SNCAIP: variants seen among roughly 807,000 people sequenced by gnomAD.
SNCAIP encodes synuclein alpha interacting protein, also known as synphilin-1.
SNCAIP carries 43 observed loss-of-function variants against 86.7 expected under a neutral mutation model. That is an observed-to-expected ratio of 0.50 (90% CI 0.39 to 0.64). SNCAIP has a LOEUF of 0.64. Among genes scored for constraint, SNCAIP ranks in the 30% least tolerant of loss-of-function variants. The pLI, the probability that SNCAIP is intolerant of heterozygous loss-of-function variation, is 0.00. For missense variants in SNCAIP, 981 were observed against 1,103.1 expected, an observed-to-expected ratio of 0.89 and a Z score of 1.57; for synonymous variants, 417 against 427.2, an observed-to-expected ratio of 0.98 and a Z score of 0.29.
At chr5:122,378,145 C>T (rs1373051157) in intron 1 of SNCAIP, among the ~76,000 whole-genome samples, 3 of 147,506 alleles carry the variant, frequency 2.0e-5, no homozygotes, top group Non-Finnish European at 4.5e-5. Context: ...AACTAGTTTA[C>T]AGTCCCACCA....
At chr5:122,313,401 A>G (rs73279372) in intron 1 of SNCAIP, among the ~76,000 whole-genome samples, 29,471 of 152,210 alleles carry the variant, frequency 0.19, 2,907 homozygotes, top group South Asian at 0.3. Context: ...TGTCTGGGGA[A>G]GTTTATGAGG....
chr5:122,455,486 T>C (rs1784560861), intron 10 of SNCAIP, among the ~76,000 whole-genome samples: 1 of 152,126 alleles, frequency 6.6e-6, no homozygotes, highest in Admixed American at 6.5e-5. Flanking sequence ...ATGGCTCCTC[T>C]CAGGTAGCAG....
intron 2 of SNCAIP, chr5:122,401,033 C>T (rs1561672261): frequency 6.5e-7 from 1 of 1,550,222 alleles, no homozygotes; most frequent in East Asian, 2.4e-5. Context: ...GATTGGAGGA[C>T]ACAGACAGGG....
At chr5:122,356,178 A>C (rs1760986222) in intron 1 of SNCAIP, among the ~76,000 whole-genome samples, 1 of 144,024 alleles carries the variant, frequency 6.9e-6, no homozygotes, top group Admixed American at 7.4e-5. Context: ...ATCACAGCTC[A>C]GTGGCATGAA....
chr5:122,441,258 C>A lies in SNCAIP; in HGVS notation c.1422+504C>A, dbSNP rs181662679. The A allele has an allele frequency of 1.5e-4, 25 of 161,436 alleles. No individual in the cohort carries two copies. The East Asian group carries it at 4.4e-3, about 29-fold the overall frequency. 10.0% of individuals were successfully genotyped at this position (161,436 alleles called of 1,614,324 possible). A position where few individuals can be genotyped will look rare whatever the true frequency, so the allele number is the denominator to read the frequency against. On this transcript the variant is annotated intron_variant, in intron 7 of 10. Transcript: ENST00000261368. ...CCCCTTTCTCTGTAGTAGGACTGAG[C>A]TTCTCAAATGCATTCAAAAGGTCCA...
chr5:122,413,599 T>G (rs1278569363), intron 3 of SNCAIP, among the ~76,000 whole-genome samples: 1 of 152,184 alleles, frequency 6.6e-6, no homozygotes, highest in African/African-American at 2.4e-5. Flanking sequence ...CCTGCACCCC[T>G]AGTGACATGT....
intron 10 of SNCAIP, among the ~76,000 whole-genome samples, chr5:122,459,648 A>G (rs530214027): frequency 4.6e-5 from 7 of 152,324 alleles, no homozygotes; most frequent in Admixed American, 3.3e-4. Context: ...TCCTGCAGAA[A>G]GAGTGCTCAT....
intron 6 of SNCAIP, among the ~76,000 whole-genome samples, chr5:122,434,958 G>C (rs1779098185): frequency 6.6e-6 from 1 of 152,138 alleles, no homozygotes; most frequent in Non-Finnish European, 1.5e-5. Context: ...GTTTATTTTA[G>C]CCGCTCTCTG....
chr5:122,445,484 G>A (rs1222134653), intron 8 of SNCAIP, among the ~76,000 whole-genome samples: 1 of 152,052 alleles, frequency 6.6e-6, no homozygotes, highest in African/African-American at 2.4e-5. Flanking sequence ...TGCCTGAGGG[G>A]AACCAAGGTC....
chr5:122,342,555 G>C (rs10078193), intron 1 of SNCAIP, among the ~76,000 whole-genome samples: 40,105 of 152,106 alleles, frequency 0.26, 6,190 homozygotes, highest in African/African-American at 0.44. Context: ...CAGACGTTGT[G>C]TCATTTAGCC....
rs1776686278 is a variant in SNCAIP, at chr5:122,422,943, T to G, written c.206T>G (p.Val69Gly). 2.5e-6 allele frequency: 4 copies of G among 1,614,186 alleles called. No individual in the cohort carries two copies. Among genetic ancestry groups the G allele is most frequent in the Non-Finnish European group, 3.4e-6 (4 of 1,180,002 alleles). Residue 69 changes from valine (V) to glycine (G), a missense_variant, in exon 4 of 11, where the codon GTG becomes GGG. Val to Gly is a moderately radical substitution (Grantham distance 109, BLOSUM62 -3). Coordinates refer to ENST00000261368, the MANE Select transcript of SNCAIP (RefSeq NM_005460.4). The stretch of plus-strand genomic sequence containing the variant: ...CAAAAGCCCACAGGAATCGCTGATG[T>G]GTACAGTAAGTTCCGCCCAGTGAAG... Reference protein sequence around the residue: ...NTQKPTGIADVYSKFRPVKRV... With the variant: ...NTQKPTGIADGYSKFRPVKRV...
chr5:122,402,576 A>G (rs1561676037), intron 2 of SNCAIP, among the ~76,000 whole-genome samples: 1 of 151,094 alleles, frequency 6.6e-6, no homozygotes, highest in Non-Finnish European at 1.5e-5. Flanking sequence ...CAAACTGACA[A>G]TATCTACGTT....
intron 7 of SNCAIP, among the ~76,000 whole-genome samples, chr5:122,443,883 A>C (rs1236085173): frequency 1.3e-5 from 2 of 152,094 alleles, no homozygotes. Flanking sequence ...TCCCCCATAC[A>C]GTTCTCTCCA....
chr5:122,328,471 C>T (rs1017924837), intron 1 of SNCAIP, among the ~76,000 whole-genome samples: 2 of 152,202 alleles, frequency 1.3e-5, no homozygotes. Context: ...TTCTCTTGAA[C>T]CCTCTCAATA....
chr5:122,384,903 T>G (rs1305016414), intron 1 of SNCAIP, among the ~76,000 whole-genome samples: 1 of 152,206 alleles, frequency 6.6e-6, no homozygotes, highest in Non-Finnish European at 1.5e-5. Flanking sequence ...AAGACCGCTT[T>G]GTAGAAGCAA....
intron 7 of SNCAIP, among the ~76,000 whole-genome samples, chr5:122,443,219 A>G (rs949557663): frequency 6.6e-6 from 1 of 152,192 alleles, no homozygotes. Flanking sequence ...AAAAATTTAA[A>G]TACTACAACT....
chr5:122,311,527 C>T (rs1040155246), upstream of SNCAIP: 2 of 152,514 alleles, frequency 1.3e-5, no homozygotes, highest in Non-Finnish European at 2.9e-5. Flanking sequence ...TGCCCACCTT[C>T]CGTTCCCCGC....
intron 1 of SNCAIP, among the ~76,000 whole-genome samples, chr5:122,382,518 C>T (rs1288051966): frequency 2.0e-5 from 3 of 152,194 alleles, no homozygotes. Flanking sequence ...GTAATTTGAT[C>T]GTCTGAAGCC....
At chr5:122,449,429 A>C (rs569641772) in intron 8 of SNCAIP, among the ~76,000 whole-genome samples, 1 of 152,260 alleles carries the variant, frequency 6.6e-6, no homozygotes, top group African/African-American at 2.4e-5. Context: ...TTTTTATTTA[A>C]TGAAAGTAAA....
Sources: allele counts gnomAD v4.1 joint callset (sites outside exome capture counted in the v4.1 genomes callset), GRCh38; gene constraint gnomAD v4.1.1; transcripts MANE v1.5; gene names NCBI Gene and HGNC (gene_info 2026-07-23, HGNC 2026-07-21).